CNTLN: variants seen among roughly 807,000 people sequenced by gnomAD.
The protein encoded by CNTLN is centlein.
CNTLN carries 212 observed loss-of-function variants against 180.0 expected under a neutral mutation model. The ratio of observed to expected loss-of-function variants is 1.18; its 90% CI spans 1.05 to 1.32. CNTLN has a LOEUF of 1.32. Among genes scored for constraint, CNTLN ranks in the 40% most tolerant of loss-of-function variants. The probability of loss-of-function intolerance (pLI) is 0.00; values close to 1 mark genes in which losing one functional copy is unlikely to be tolerated. For missense variants in CNTLN, 2,095 were observed against 1,610.9 expected (o/e 1.30, Z -5.14); for synonymous variants, 722 against 563.1 (o/e 1.28, Z -3.99).
chr9:17,340,079 C>T (rs1821355575), intron 10 of CNTLN, among the ~76,000 whole-genome samples: 1 of 152,062 alleles, frequency 6.6e-6, no homozygotes, highest in African/African-American at 2.4e-5. Context: ...ATTGCCTGAG[C>T]CCAGGAGTTT....
At position 17,135,536 on chromosome 9, in the gene CNTLN, C is replaced by A. The variant is rs1402874833; in HGVS notation, c.360+111C>A. The A allele has an allele frequency of 1.3e-5, 17 of 1,341,784 alleles. No homozygotes were observed. The Middle Eastern group carries it at 7.4e-4, about 58-fold the overall frequency. The allele number at this position is 1,341,784 out of a possible 1,614,324, so 83.1% of individuals were successfully genotyped here. ...GGACCTACCCCGCCCAGCGACGCTC[C>A]CTGGCAGATGCACACCCTGCTTCGC... On this transcript the variant is annotated intron_variant, in intron 1 of 25. Coordinates refer to ENST00000380647, the MANE Select transcript of CNTLN (RefSeq NM_017738.4).
intron 8 of CNTLN, among the ~76,000 whole-genome samples, chr9:17,312,367 T>TATATATATATATATATA (rs1563984918): frequency 0.019 from 204 of 10,892 alleles, no homozygotes; most frequent in African/African-American, 0.036. Flanking sequence ...ATATATATTA[T>TATATATATATATATATA]ATATATATAT....
At chr9:17,441,803 A>G (rs1466857810) in intron 18 of CNTLN, among the ~76,000 whole-genome samples, 1 of 152,156 alleles carries the variant, frequency 6.6e-6, no homozygotes, top group East Asian at 1.9e-4. Context: ...TGTCTCTATG[A>G]GACTCACTTT....
intron 5 of CNTLN, among the ~76,000 whole-genome samples, chr9:17,270,013 G>T (rs1827816645): frequency 6.6e-6 from 1 of 151,976 alleles, no homozygotes; most frequent in Non-Finnish European, 1.5e-5. Flanking sequence ...TTATAATCTT[G>T]CTCAACTCTA....
Position 17,380,374 on chromosome 9 carries a change from C to G in CNTLN, c.1988-7788C>G, listed in dbSNP as rs544451397. 2.0e-5 allele frequency among the ~76,000 whole-genome samples: 3 copies of G among 152,308 alleles called. No homozygotes were observed. In the East Asian group the frequency reaches 5.8e-4, roughly 29 times the overall value. ...TTTCTCGAGAAACACCTAAGCAAGC[C>G]TCAGCCAAAGGCCCCCAATAAAAAT... On this transcript the variant is annotated intron_variant, in intron 13 of 25. Transcript: ENST00000380647.
chr9:17,251,247 T>G (rs1048107428), intron 5 of CNTLN, among the ~76,000 whole-genome samples: 1 of 151,976 alleles, frequency 6.6e-6, no homozygotes, highest in Non-Finnish European at 1.5e-5. Flanking sequence ...TTTGTTGATC[T>G]TACTTGGAGT....
chr9:17,412,518 G>A (rs1827928361), intron 16 of CNTLN, among the ~76,000 whole-genome samples: 1 of 152,142 alleles, frequency 6.6e-6, no homozygotes, highest in South Asian at 2.1e-4. Context: ...AGTAGAAACT[G>A]TACTTTGAGT....
At position 17,395,019 on chromosome 9, in the gene CNTLN, T is replaced by C. The variant is rs376132105; in HGVS notation, c.2565T>C (p.Asn855=). Residue 855 remains asparagine (N), a synonymous_variant, in exon 15 of 26, where the codon AAT becomes AAC. Coordinates refer to ENST00000380647, the MANE Select transcript of CNTLN (RefSeq NM_017738.4). The part of the protein sequence containing the change: ...VLNHSIKVMS[N]VFENLSKDGW... Reference sequence around the variant, plus strand: ...ATCATTCCATCAAGGTTATGAGCAATGTGTTTGAGAACCTCAGCAAGGACG... The same window carrying C: ...ATCATTCCATCAAGGTTATGAGCAACGTGTTTGAGAACCTCAGCAAGGACG... 3.7e-6 allele frequency: 6 copies of C among 1,613,210 alleles called. No individual in the cohort carries two copies. Among genetic ancestry groups the C allele is most frequent in the Admixed American group, 3.3e-5 (2 of 59,958 alleles).
chr9:17,493,438 T>A (rs1461460797), intron 25 of CNTLN, among the ~76,000 whole-genome samples: 1 of 152,042 alleles, frequency 6.6e-6, no homozygotes, highest in Non-Finnish European at 1.5e-5. Flanking sequence ...GAGAGCACAG[T>A]GAGTAATCTT....
intron 13 of CNTLN, among the ~76,000 whole-genome samples, chr9:17,373,548 A>G (rs761681011): frequency 6.6e-6 from 1 of 152,134 alleles, no homozygotes; most frequent in Admixed American, 6.5e-5. Context: ...TAAAATGACC[A>G]TATTACCTAA....
At chr9:17,510,248 G>C in the CNTLN span, among the ~76,000 whole-genome samples, 1 of 152,134 alleles carries the variant, frequency 6.6e-6, no homozygotes, top group Non-Finnish European at 1.5e-5. Context: ...AGTAGTTGAA[G>C]AAAGTTGTTA....
intron 6 of CNTLN, among the ~76,000 whole-genome samples, chr9:17,291,564 C>T (rs1829409710): frequency 6.6e-6 from 1 of 152,018 alleles, no homozygotes; most frequent in Non-Finnish European, 1.5e-5. Flanking sequence ...ATGTAATGCC[C>T]CTCTTTGTCT....
At chr9:17,215,609 A>G (rs1404356925) in intron 2 of CNTLN, among the ~76,000 whole-genome samples, 1 of 152,018 alleles carries the variant, frequency 6.6e-6, no homozygotes, top group African/African-American at 2.4e-5. Context: ...GTCTGCAGAG[A>G]TTTCTGCTGC....
At chr9:17,265,537 G>C (rs201592931) in intron 5 of CNTLN, among the ~76,000 whole-genome samples, 1 of 152,086 alleles carries the variant, frequency 6.6e-6, no homozygotes, top group Non-Finnish European at 1.5e-5. Context: ...GCTTTGGTTT[G>C]AGGATGATGC....
chr9:17,168,644 A>G (rs529911219), intron 2 of CNTLN: 3 of 152,286 alleles, frequency 2.0e-5, no homozygotes, highest in South Asian at 2.1e-4. Flanking sequence ...GCTATTTATT[A>G]TTTTGAAACT....
chr9:17,290,374 C>A (rs1829293848), intron 6 of CNTLN, among the ~76,000 whole-genome samples: 1 of 149,678 alleles, frequency 6.7e-6, no homozygotes, highest in Non-Finnish European at 1.5e-5. Flanking sequence ...GTTCTCAGAT[C>A]TCCAGCTGCG....
At chr9:17,288,309 TG>T (rs1277824879) in intron 6 of CNTLN, among the ~76,000 whole-genome samples, 1 of 116,920 alleles carries the variant, frequency 8.6e-6, no homozygotes, top group Non-Finnish European at 1.7e-5. Context: ...TCCATGTAGT[TG>T]AGCGGCTTTG....
chr9:17,227,688 T>C lies in CNTLN; in HGVS notation c.534+1401T>C, dbSNP rs1824556338. 2.0e-5 allele frequency among the ~76,000 whole-genome samples: 3 copies of C among 152,200 alleles called. 1 individual carries two copies. In the South Asian group the frequency reaches 6.2e-4, roughly 31 times the overall value. ...CTAAAAGTTCCATTCCCTACATTTC[T>C]ATCTGTTCTTTCTAAAAAGGAATAT... On this transcript the variant is annotated intron_variant, in intron 3 of 25. Transcript: ENST00000380647.
intron 23 of CNTLN, among the ~76,000 whole-genome samples, chr9:17,480,745 C>A (rs569474995): frequency 2.6e-5 from 4 of 152,210 alleles, no homozygotes; most frequent in Middle Eastern, 3.4e-3. Context: ...AAATTGTAAA[C>A]CCTTCTATCT....
Sources: allele counts gnomAD v4.1 joint callset (sites outside exome capture counted in the v4.1 genomes callset), GRCh38; gene constraint gnomAD v4.1.1; transcripts MANE v1.5; gene names NCBI Gene and HGNC (gene_info 2026-07-23, HGNC 2026-07-21).